MDH1B: variants seen among roughly 807,000 people sequenced by gnomAD.
The protein encoded by MDH1B is putative malate dehydrogenase 1B.
A neutral mutation model predicts 61.4 loss-of-function variants in MDH1B; 60 were observed. The ratio of observed to expected loss-of-function variants is 0.98; its 90% CI spans 0.79 to 1.21. The LOEUF (loss-of-function observed/expected upper bound fraction) is 1.21. MDH1B is among the 50% of genes most tolerant of loss of function. The pLI is 0.00. For synonymous variants in MDH1B, 236 were observed against 218.7 expected (o/e 1.08, Z -0.70); for missense variants, 587 against 632.1 (o/e 0.93, Z 0.76).
At chr2:206,753,747 C>G (rs954338069) in intron 5 of MDH1B, among the ~76,000 whole-genome samples, 1 of 152,120 alleles carries the variant, frequency 6.6e-6, no homozygotes, top group Admixed American at 6.5e-5. Flanking sequence ...TACCAACTTT[C>G]CTCCATTTTT....
At chr2:206,742,487 T>C (rs1372437904) in intron 9 of MDH1B, among the ~76,000 whole-genome samples, 7 of 152,150 alleles carry the variant, frequency 4.6e-5, no homozygotes. Context: ...TTTCCACCTT[T>C]GTCTGAGGAG....
At chr2:206,760,836 T>A in intron 2 of MDH1B, 65 bp downstream of exon 2, 1 of 901,272 alleles carries the variant, frequency 1.1e-6, no homozygotes, top group Admixed American at 1.8e-5. Context: ...CACCAGTTAA[T>A]ATTTAATCAA....
intron 2 of MDH1B, 52 bp from the exon 3 acceptor site, chr2:206,757,423 C>T: frequency 6.4e-7 from 1 of 1,566,324 alleles, no homozygotes; most frequent in African/African-American, 1.4e-5. Context: ...CCTGAGAATT[C>T]AATTTCATAC....
chr2:206,751,292 G>C lies in MDH1B; in HGVS notation c.911-217C>G, dbSNP rs78009482. Among the ~76,000 whole-genome samples, 904 of 152,114 alleles carry C rather than the reference G, an allele frequency of 5.9e-3. 3 individuals carry two copies. Among genetic ancestry groups the C allele is most frequent in the African/African-American group, 0.019 (799 of 41,484 alleles). On this transcript the variant is annotated intron_variant, in intron 5 of 11. Transcript: ENST00000374412. ...AGTCCCTAATAATGTTCTATGAATG[G>C]TATGGTGTATAATTAAATTAAAGAA...
intron 4 of MDH1B, 120 bp downstream of exon 4, chr2:206,756,778 T>A (rs1211381395): frequency 3.0e-6 from 3 of 993,952 alleles, no homozygotes; most frequent in Non-Finnish European, 4.5e-6. Context: ...TAAGTATACA[T>A]ACACACAAAT....
chr2:206,747,161 AAAC>A (rs1333671614), intron 7 of MDH1B, among the ~76,000 whole-genome samples: 10 of 151,508 alleles, frequency 6.6e-5, no homozygotes, highest in South Asian at 4.2e-4. Flanking sequence ...CAGGGCAAAA[AAAC>A]AAACAACAAC....
At chr2:206,764,227 G>T (rs1689287133) in intron 1 of MDH1B, among the ~76,000 whole-genome samples, 1 of 151,848 alleles carries the variant, frequency 6.6e-6, no homozygotes, top group African/African-American at 2.4e-5. Flanking sequence ...GAGCCCAGGA[G>T]GTCAAAGCTG....
chr2:206,760,641 C>T (rs1298636288), intron 2 of MDH1B, among the ~76,000 whole-genome samples: 1 of 152,158 alleles, frequency 6.6e-6, no homozygotes, highest in African/African-American at 2.4e-5. Context: ...GCAGTGTAAG[C>T]TACCTGGATT....
intron 1 of MDH1B, among the ~76,000 whole-genome samples, chr2:206,762,537 A>G: frequency 6.6e-6 from 1 of 151,982 alleles, no homozygotes; most frequent in Non-Finnish European, 1.5e-5. Context: ...TTTCTGTCAT[A>G]TTTAAATATA....
intron 2 of MDH1B, among the ~76,000 whole-genome samples, chr2:206,758,791 A>C (rs2105950260): frequency 6.6e-6 from 1 of 151,898 alleles, no homozygotes. Flanking sequence ...CAAAAAAAAA[A>C]CTAGTGAACG....
Position 206,749,189 on chromosome 2 carries a change from A to C in MDH1B, c.1053-6T>G. 6.2e-7 allele frequency: 1 copy of C among 1,613,294 alleles called. No individual in the cohort carries two copies. The highest frequency in any genetic ancestry group is 8.5e-7 in the Non-Finnish European group (1 of 1,179,610). On this transcript the variant is annotated splice_region_variant and splice_polypyrimidine_tract_variant and intron_variant, in intron 6 of 11. Coordinates refer to ENST00000374412, the MANE Select transcript of MDH1B (RefSeq NM_001039845.3). Reference sequence around the variant, plus strand: ...ATTCTCTTTTTACCCACTCACTGTAAGGAGAGAAAGAAACAATTTTACAAT... The same window carrying C: ...ATTCTCTTTTTACCCACTCACTGTACGGAGAGAAAGAAACAATTTTACAAT...
rs201274607 is a variant in MDH1B, at chr2:206,746,406, C to T, written c.1237G>A (p.Gly413Arg). 6.2e-7 allele frequency: 1 copy of T among 1,613,204 alleles called. No individual in the cohort carries two copies. Among genetic ancestry groups the T allele is most frequent in the Admixed American group, 1.7e-5 (1 of 59,892 alleles). The change falls in exon 8 of 12, where the codon GGG (glycine) becomes AGG (arginine). Residue 413 changes from glycine to arginine, a missense_variant. Coordinates refer to ENST00000374412, the MANE Select transcript of MDH1B (RefSeq NM_001039845.3). ...LSEGQFGIPK[G>R]IVFSMPVKFE... ...TTCACAGGCATAGAAAAGACGATCC[C>T]TTTCGGAATACCAAACTGGCCTGCA...
Position 206,760,903 on chromosome 2 carries a change from C to T in MDH1B, c.133G>A (p.Glu45Lys). The change falls in exon 2 of 12, where the codon GAG becomes AAG. Residue 45 changes from glutamate (E) to lysine (K), a missense_variant and splice_region_variant. Physicochemically the swap from Glu to Lys is moderately conservative, Grantham distance 56 (BLOSUM62 1). Transcript: ENST00000374412. ...AACAAACTATAAAGGCTTCTTACCT[C>T]CCAAACCTCAGGACGTTGTGTGATT... The part of the protein sequence containing the change: ...HKITQRPEVW[E>K]DWLKDVCEKN... 6.3e-7 allele frequency: 1 copy of T among 1,591,472 alleles called. No individual in the cohort carries two copies. The highest frequency in any genetic ancestry group is 1.3e-5 in the African/African-American group (1 of 74,570).
chr2:206,758,789 A>C (rs906027616), intron 2 of MDH1B, among the ~76,000 whole-genome samples: 9 of 152,032 alleles, frequency 5.9e-5, no homozygotes, highest in Admixed American at 2.6e-4. Flanking sequence ...CACAAAAAAA[A>C]AACTAGTGAA....
chr2:206,742,560 T>C (rs1687870757), intron 9 of MDH1B, among the ~76,000 whole-genome samples: 1 of 151,722 alleles, frequency 6.6e-6, no homozygotes, highest in South Asian at 2.1e-4. Flanking sequence ...CCAGGGAAAA[T>C]GTTGATTCTC....
At chr2:206,741,159 A>C in intron 9 of MDH1B, 55 bp from the exon 10 acceptor site, 3 of 1,605,308 alleles carry the variant, frequency 1.9e-6, no homozygotes, top group Non-Finnish European at 2.6e-6. Flanking sequence ...CAACAACCTA[A>C]CTAGGTCATG....
rs769597080 is a variant in MDH1B, at chr2:206,746,275, T to C, written c.1356+12A>G. ...ATCAAGGTCAGTCCCCTTGCATCTA[T>C]TCTGACATTACCTGAATTAGATCAC... On this transcript the variant is annotated intron_variant, in intron 8 of 11. Transcript: ENST00000374412. 6 of 1,610,116 alleles carry C rather than the reference T, an allele frequency of 3.7e-6. No individual in the cohort carries two copies. The highest frequency in any genetic ancestry group is 5.1e-6 in the Non-Finnish European group (6 of 1,178,082).
At chr2:206,747,864 GGAT>G (rs1688206373) in intron 7 of MDH1B, among the ~76,000 whole-genome samples, 2 of 152,138 alleles carry the variant, frequency 1.3e-5, no homozygotes, top group Admixed American at 1.3e-4. Context: ...CAATTGGGAA[GGAT>G]GACAGTACAT....
At chr2:206,756,604 G>A (rs1486731794) in intron 4 of MDH1B, 1 of 310,954 alleles carries the variant, frequency 3.2e-6, no homozygotes, top group Non-Finnish European at 5.9e-6. Flanking sequence ...GAGGGAGAGA[G>A]CAACAGTCAG....
Sources: allele counts gnomAD v4.1 joint callset (sites outside exome capture counted in the v4.1 genomes callset), GRCh38; gene constraint gnomAD v4.1.1; transcripts MANE v1.5; gene names NCBI Gene and HGNC (gene_info 2026-07-23, HGNC 2026-07-21).